Variants in AMMECR1 observed in about 807,000 individuals in gnomAD.
AMMECR1 encodes AMMECR nuclear protein 1.
Under a neutral mutation model 22.5 loss-of-function variants are expected in AMMECR1, and 3 were observed. The observed-to-expected ratio is 0.13, with a 90% CI of 0.06 to 0.35. AMMECR1 has a LOEUF of 0.35. AMMECR1 is among the 10% of genes least tolerant of loss of function. The pLI is 1.00. For missense variants in AMMECR1, 235 were observed against 278.7 expected, an observed-to-expected ratio of 0.84 and a Z score of 1.12; for synonymous variants, 130 against 116.7, an observed-to-expected ratio of 1.11 and a Z score of -0.74.
At chrX:110,337,175 C>T (rs868169631) in intron 2 of AMMECR1, among the ~76,000 whole-genome samples, 1 of 111,014 alleles carries the variant, frequency 9.0e-6, no homozygotes, top group Non-Finnish European at 1.9e-5. Context: ...TTAGTTTCCT[C>T]ATCTGCAGAG....
At chrX:110,393,885 T>G (rs1377047165) in intron 2 of AMMECR1, among the ~76,000 whole-genome samples, 1 of 112,180 alleles carries the variant, frequency 8.9e-6, no homozygotes, top group Non-Finnish European at 1.9e-5. Flanking sequence ...AGAAAATAAC[T>G]GAATGAGTGA....
chrX:110,299,265 G>T (rs1235071531), intron 1 of AMMECR1, among the ~76,000 whole-genome samples: 1 of 111,873 alleles, frequency 8.9e-6, no homozygotes, highest in African/African-American at 3.2e-5. Flanking sequence ...TTAGACAAAA[G>T]ATACTAATTC....
intron 2 of AMMECR1, among the ~76,000 whole-genome samples, chrX:110,373,110 C>T (rs2068350934): frequency 8.9e-6 from 1 of 111,793 alleles, no homozygotes; most frequent in African/African-American, 3.3e-5. Flanking sequence ...TTATAAACCC[C>T]ATTTTATAAG....
intron 2 of AMMECR1, among the ~76,000 whole-genome samples, chrX:110,345,370 A>G (rs1356332019): frequency 9.1e-6 from 1 of 110,201 alleles, no homozygotes; most frequent in Non-Finnish European, 1.9e-5. Flanking sequence ...GGAGAGGGAT[A>G]GCATTAGGAG....
intron 1 of AMMECR1, among the ~76,000 whole-genome samples, chrX:110,438,864 T>C (rs2068858640): frequency 8.9e-6 from 1 of 112,313 alleles, no homozygotes; most frequent in South Asian, 3.8e-4. Flanking sequence ...TCTATTGTGC[T>C]CTGTGGAAAT....
At chrX:110,304,736 T>C (rs1458693677) in intron 1 of AMMECR1, among the ~76,000 whole-genome samples, 1 of 112,124 alleles carries the variant, frequency 8.9e-6, no homozygotes, top group Non-Finnish European at 1.9e-5. Context: ...AATTTTAAAA[T>C]TGTCAACTGT....
chrX:110,418,866 C>T (rs1256363193), intron 2 of AMMECR1, among the ~76,000 whole-genome samples: 1 of 111,764 alleles, frequency 8.9e-6, no homozygotes, highest in Non-Finnish European at 1.9e-5. Context: ...TCATCATAAA[C>T]ATGCTAAAAA....
Position 110,347,035 on chromosome X carries a change from T to C in AMMECR1, c.-147-29186A>G, listed in dbSNP as rs1457081183. On this transcript the variant is annotated intron_variant, in intron 2 of 7. Coordinates refer to the AMMECR1 transcript ENST00000372057. Reference sequence around the variant, plus strand: ...CAGGAATACCAGCATTCCTATACATTGATGATACAAACTTTATAGCAGGCA... The same window carrying C: ...CAGGAATACCAGCATTCCTATACATCGATGATACAAACTTTATAGCAGGCA... 12 of 439,740 alleles carry C rather than the reference T, an allele frequency of 2.7e-5. No homozygotes were observed. In the Middle Eastern group the frequency reaches 2.5e-3, roughly 91 times the overall value. 36.2% of individuals were successfully genotyped at this position (439,740 alleles called of 1,213,427 possible).
chrX:110,232,889 CAAAAAAAAAAAAAAA>C (rs775605567), intron 2 of AMMECR1, among the ~76,000 whole-genome samples: 2 of 11,917 alleles, frequency 1.7e-4, no homozygotes, highest in Admixed American at 1.2e-3. Context: ...GACTCAGTCT[CAAAAAAAAAAAAAAA>C]AAAAAAAAAA....
intron 2 of AMMECR1, among the ~76,000 whole-genome samples, chrX:110,396,515 T>G (rs1483872212): frequency 5.3e-5 from 6 of 112,328 alleles, no homozygotes; most frequent in African/African-American, 1.6e-4. Flanking sequence ...TCCATTCTAC[T>G]TTCTTTCCCA....
chrX:110,366,870 A>T (rs1350653316), intron 2 of AMMECR1, among the ~76,000 whole-genome samples: 1 of 111,963 alleles, frequency 8.9e-6, no homozygotes, highest in Non-Finnish European at 1.9e-5. Context: ...CATTTCATCC[A>T]TTCATTCTTG....
At chrX:110,347,148 A>T (rs758451598) in intron 2 of AMMECR1, among the ~76,000 whole-genome samples, 1 of 113,115 alleles carries the variant, frequency 8.8e-6, no homozygotes, top group South Asian at 3.6e-4. Context: ...ATTAAAATAA[A>T]TTTTCAGACA....
At chrX:110,413,222 C>A (rs1460437807) in intron 2 of AMMECR1, among the ~76,000 whole-genome samples, 2 of 111,345 alleles carry the variant, frequency 1.8e-5, no homozygotes, top group African/African-American at 6.6e-5. Flanking sequence ...TCCCCCTACA[C>A]CCTGGATAAA....
intron 1 of AMMECR1, 114 bp from the exon 2 acceptor site, chrX:110,264,713 G>GC: frequency 1.9e-6 from 1 of 536,853 alleles, no homozygotes. Context: ...CAAAAGACAG[G>GC]CCTTCAAGGG....
chrX:110,320,413 A>C (rs1313798218), upstream of AMMECR1, among the ~76,000 whole-genome samples: 1 of 112,006 alleles, frequency 8.9e-6, no homozygotes, highest in Non-Finnish European at 1.9e-5. Flanking sequence ...TAGAGTAAAA[A>C]ACCAGAGCCA....
intron 3 of AMMECR1, among the ~76,000 whole-genome samples, chrX:110,208,686 AT>A (rs2067433025): frequency 8.9e-6 from 1 of 112,165 alleles, no homozygotes; most frequent in African/African-American, 3.2e-5. Flanking sequence ...TTTTAGTAAA[AT>A]TTTAAATAAA....
At position 110,249,894 on chromosome X, in the gene AMMECR1, G is replaced by T. The variant is rs757695857; in HGVS notation, c.584+14595C>A. Among the ~76,000 whole-genome samples, 6 of 110,864 alleles carry T rather than the reference G, an allele frequency of 5.4e-5. No homozygotes were observed. In the South Asian group the frequency reaches 2.4e-3, roughly 44 times the overall value. ...CAGCCTGGTGACAGAGCGAGACTCG[G>T]AAAGAAAGGAAAGGAAAGGGGAAAG... is the stretch of plus-strand genomic sequence containing the variant. On this transcript the variant is annotated intron_variant, in intron 2 of 5. Transcript: ENST00000262844.
At chrX:110,287,847 A>G (rs1023604082) in intron 1 of AMMECR1, among the ~76,000 whole-genome samples, 2 of 112,121 alleles carry the variant, frequency 1.8e-5, no homozygotes, top group African/African-American at 6.5e-5. Context: ...CAAGATGAGA[A>G]GCCAAACTGC....
upstream of AMMECR1, among the ~76,000 whole-genome samples, chrX:110,318,774 ACT>A (rs886255748): frequency 9.0e-6 from 1 of 111,467 alleles, no homozygotes; most frequent in Non-Finnish European, 1.9e-5. Context: ...ACACCAGGGT[ACT>A]CTTTCCTTTC....
Sources: allele counts gnomAD v4.1 joint callset (sites outside exome capture counted in the v4.1 genomes callset), GRCh38; gene constraint gnomAD v4.1.1; transcripts MANE v1.5; gene names NCBI Gene and HGNC (gene_info 2026-07-23, HGNC 2026-07-21).